MEIKIN: variants seen among roughly 807,000 people sequenced by gnomAD.
MEIKIN encodes meiosis-specific kinetochore protein.
At chr5:131,844,845 G>A (rs150504234) in intron 11 of MEIKIN, among the ~76,000 whole-genome samples, 1 of 152,034 alleles carries the variant, frequency 6.6e-6, no homozygotes, top group Admixed American at 6.6e-5. Context: ...AGGAAAGCTA[G>A]ACAGTGACTG....
At chr5:131,945,366 C>A in intron 1 of MEIKIN, 34 bp downstream of exon 1, 1 of 399,048 alleles carries the variant, frequency 2.5e-6, no homozygotes, top group Non-Finnish European at 4.4e-6. Context: ...GGCAGCTCGG[C>A]TGAGCTTACG....
intron 4 of MEIKIN, 150 bp downstream of exon 4, chr5:131,942,485 G>A: frequency 2.6e-6 from 1 of 384,444 alleles, no homozygotes; most frequent in Non-Finnish European, 4.6e-6. Flanking sequence ...CTTTAAGGAT[G>A]AGATCTATAG....
rs1372938816 is a variant in MEIKIN, at chr5:131,893,444, G to A, written c.704-14396C>T. ...CATTTGTGAAGCCCGTTGGAAAAGC[G>A]CAGTATTAGCGTGGGAGCGACCCGA... On this transcript the variant is annotated intron_variant, in intron 8 of 12. Coordinates refer to ENST00000442687, the MANE Select transcript of MEIKIN (RefSeq NM_001303622.2). Among the ~76,000 whole-genome samples, 4 of 152,210 alleles carry A rather than the reference G, an allele frequency of 2.6e-5. 1 individual carries two copies. The highest frequency in any genetic ancestry group is 6.5e-5 in the Admixed American group (1 of 15,282).
chr5:131,891,880 T>C (rs1750927364), intron 8 of MEIKIN, among the ~76,000 whole-genome samples: 1 of 152,220 alleles, frequency 6.6e-6, no homozygotes, highest in Non-Finnish European at 1.5e-5. Context: ...TGTTCAGTGC[T>C]TCCCTCAGAA....
At chr5:131,826,669 C>G (rs1408044419) in intron 11 of MEIKIN, among the ~76,000 whole-genome samples, 1 of 152,112 alleles carries the variant, frequency 6.6e-6, no homozygotes, top group African/African-American at 2.4e-5. Context: ...GGCAGTTTCC[C>G]CCATGCTGTT....
At chr5:131,897,971 G>A (rs899888467) in intron 8 of MEIKIN, among the ~76,000 whole-genome samples, 2 of 152,154 alleles carry the variant, frequency 1.3e-5, no homozygotes, top group Non-Finnish European at 2.9e-5. Context: ...ATCCTTTGGA[G>A]GAGAAGAGGT....
intron 11 of MEIKIN, among the ~76,000 whole-genome samples, chr5:131,844,579 G>C (rs139010939): frequency 1.8e-3 from 274 of 152,202 alleles, no homozygotes; most frequent in Admixed American, 4.4e-3. Context: ...TACATACAGA[G>C]AGAACCCCAG....
rs529806521 is a variant in MEIKIN at position 131,923,222 on chromosome 5, C to T, written c.479-1281G>A. Among the ~76,000 whole-genome samples, 30 of 152,224 alleles carry T rather than the reference C, an allele frequency of 2.0e-4. No homozygotes were observed. In the South Asian group the frequency reaches 6.2e-3, roughly 32 times the overall value. Reference sequence around the variant, plus strand: ...TTTTAAATCTATTTAATCTCAAATGCTACCAAATTGCATAAATCCATTCCA... The same window carrying T: ...TTTTAAATCTATTTAATCTCAAATGTTACCAAATTGCATAAATCCATTCCA... On this transcript the variant is annotated intron_variant, in intron 5 of 12. Transcript: ENST00000442687.
At chr5:131,858,434 A>C (rs1750232154) in intron 9 of MEIKIN, among the ~76,000 whole-genome samples, 1 of 152,188 alleles carries the variant, frequency 6.6e-6, no homozygotes, top group Non-Finnish European at 1.5e-5. Context: ...TACAAAAATC[A>C]AGATGGACTA....
intron 8 of MEIKIN, among the ~76,000 whole-genome samples, chr5:131,894,224 T>C (rs1055247277): frequency 2.6e-5 from 4 of 152,222 alleles, no homozygotes; most frequent in African/African-American, 4.8e-5. Flanking sequence ...TGTGGTGTTA[T>C]TTCTGAGGCC....
At chr5:131,894,801 T>G (rs1391950252) in intron 8 of MEIKIN, among the ~76,000 whole-genome samples, 1 of 152,212 alleles carries the variant, frequency 6.6e-6, no homozygotes, top group East Asian at 1.9e-4. Flanking sequence ...GATTTTGGCC[T>G]GTGACGATGG....
chr5:131,942,387 C>T (rs1751882292), intron 4 of MEIKIN, among the ~76,000 whole-genome samples: 2 of 152,188 alleles, frequency 1.3e-5, no homozygotes. Flanking sequence ...TCCCTAATTT[C>T]TCTAGGTAAA....
rs143119083 is a variant in MEIKIN at position 131,821,511 on chromosome 5, A to G, written c.976-2648T>C. ...TGTTCTATAAATATCTATTAGGTCCATTTGTTCTACAGTGCAGATTAAGTC... is the reference window on the plus strand; with the variant it reads ...TGTTCTATAAATATCTATTAGGTCCGTTTGTTCTACAGTGCAGATTAAGTC... On this transcript the variant is annotated intron_variant, in intron 11 of 12. Transcript: ENST00000442687. Among the ~76,000 whole-genome samples, 403 of 151,360 alleles carry G rather than the reference A, an allele frequency of 2.7e-3. 4 individuals carry two copies. The highest frequency in any genetic ancestry group is 9.4e-3 in the African/African-American group (388 of 41,186).
chr5:131,911,899 T>G lies in MEIKIN; in HGVS notation c.639-20A>C, dbSNP rs10057128. ...ATCACTCTATAACAAGAACAAACTG[T>G]TTAGTGGTATTTTCTAAATCCTTCA... On this transcript the variant is annotated intron_variant, in intron 7 of 12. Coordinates refer to ENST00000442687, the MANE Select transcript of MEIKIN (RefSeq NM_001303622.2). 342,307 of 397,292 alleles carry G rather than the reference T, an allele frequency of 0.86. 147,774 individuals carry two copies. The highest frequency in any genetic ancestry group is 0.93 in the African/African-American group (45,389 of 48,630). The allele number at this position is 397,292 out of a possible 1,614,324, so 24.6% of individuals were successfully genotyped here. A position where few individuals can be genotyped will look rare whatever the true frequency, so the allele number is the denominator to read the frequency against.
chr5:131,914,460 GGAGA>G (rs1036135793), intron 7 of MEIKIN, among the ~76,000 whole-genome samples: 2 of 146,884 alleles, frequency 1.4e-5, no homozygotes, highest in Admixed American at 6.8e-5. Flanking sequence ...GGAAGGAAGG[GGAGA>G]GAGAGAGAGA....
At chr5:131,859,909 T>C (rs899396082) in intron 9 of MEIKIN, among the ~76,000 whole-genome samples, 3 of 152,206 alleles carry the variant, frequency 2.0e-5, no homozygotes, top group Non-Finnish European at 4.4e-5. Context: ...TCCTTTGGTC[T>C]CTGTGTCTAT....
chr5:131,891,253 T>C (rs903678219), intron 8 of MEIKIN, among the ~76,000 whole-genome samples: 3 of 152,194 alleles, frequency 2.0e-5, no homozygotes, highest in Non-Finnish European at 4.4e-5. Flanking sequence ...CATAGCTGAG[T>C]TCAATTCCTG....
intron 8 of MEIKIN, among the ~76,000 whole-genome samples, chr5:131,895,185 T>A (rs1209108600): frequency 6.6e-6 from 1 of 152,216 alleles, no homozygotes; most frequent in Non-Finnish European, 1.5e-5. Flanking sequence ...TGTGATGGAT[T>A]ACGTTTATTG....
rs576004954 is a variant in MEIKIN, at chr5:131,944,525, G to GT, written c.288+139dup. On this transcript the variant is annotated intron_variant, in intron 3 of 12. Coordinates refer to ENST00000442687, the MANE Select transcript of MEIKIN (RefSeq NM_001303622.2). ...AATTCAAGGCCCTGTCTAAAGACAC[G>GT]TAAGTGTTTATAAAAATACTGGTGA... 1.5e-3 allele frequency: 598 copies of GT among 394,762 alleles called. 3 individuals are homozygous for GT. The highest frequency in any genetic ancestry group is 0.011 in the African/African-American group (535 of 48,622). 24.5% of individuals were successfully genotyped at this position (394,762 alleles called of 1,614,324 possible). A position where few individuals can be genotyped will look rare whatever the true frequency, so the allele number is the denominator to read the frequency against.
Sources: gnomAD v4.1 joint callset for allele counts (sites outside exome capture counted in the v4.1 genomes callset) on GRCh38, gnomAD v4.1.1 for gene constraint, MANE v1.5 for transcripts, NCBI Gene and HGNC (gene_info 2026-07-23, HGNC 2026-07-21) for gene names.